KAZN: variants seen among roughly 807,000 people sequenced by gnomAD.
The protein encoded by KAZN is kazrin, periplakin interacting protein.
Under a neutral mutation model 87.4 loss-of-function variants are expected in KAZN, and 40 were observed. That is an observed-to-expected ratio of 0.46 (90% CI 0.36 to 0.60). The LOEUF (loss-of-function observed/expected upper bound fraction) is 0.60, where lower values mean the gene tolerates loss of function less well. Ranked by LOEUF, KAZN falls within the 20% of genes least tolerant of loss-of-function variation. The pLI is 0.00. For synonymous variants in KAZN, 466 were observed against 458.3 expected (o/e 1.02, Z -0.22); for missense variants, 898 against 1,073.9 (o/e 0.84, Z 2.29).
At chr1:14,957,715 C>T (rs1036497547) in intron 1 of KAZN, among the ~76,000 whole-genome samples, 1 of 152,160 alleles carries the variant, frequency 6.6e-6, no homozygotes, top group Non-Finnish European at 1.5e-5. Context: ...CACAGCTCTG[C>T]GGAGGCCCTG....
chr1:13,942,380 A>G (rs925056188), intron 1 of KAZN, among the ~76,000 whole-genome samples: 1 of 147,362 alleles, frequency 6.8e-6, no homozygotes, highest in Non-Finnish European at 1.5e-5. Context: ...CTCTACTAAA[A>G]ATACAAAAAA....
chr1:14,464,789 C>T (rs1188084463), intron 2 of KAZN, among the ~76,000 whole-genome samples: 2 of 151,992 alleles, frequency 1.3e-5, no homozygotes. Flanking sequence ...GATTCACCTG[C>T]CTCCACCTCC....
At chr1:14,275,335 C>A (rs1652261522) in intron 2 of KAZN, among the ~76,000 whole-genome samples, 1 of 152,114 alleles carries the variant, frequency 6.6e-6, no homozygotes. Context: ...GCCCCATTCC[C>A]AGACCTATTG....
intron 1 of KAZN, among the ~76,000 whole-genome samples, chr1:14,918,054 T>C (rs1472088120): frequency 6.6e-6 from 1 of 152,006 alleles, no homozygotes; most frequent in Non-Finnish European, 1.5e-5. Flanking sequence ...AATTTTTGTA[T>C]TTTTAGTAGA....
Position 14,535,741 on chromosome 1 carries a change from T to C in KAZN, c.250-63242T>C, listed in dbSNP as rs1044220960. Among the ~76,000 whole-genome samples the C allele has an allele frequency of 5.3e-4, 80 of 152,148 alleles. 1 individual carries two copies. Among genetic ancestry groups the C allele is most frequent in the Non-Finnish European group, 1.0e-4 (7 of 68,026 alleles). ...CTGCAGCTTGCATGCCACGGAAAAC[T>C]GACGGCTGCTCTTCCCTGTTCCACA... is the stretch of plus-strand genomic sequence containing the variant. On this transcript the variant is annotated intron_variant, in intron 2 of 16. Transcript: ENST00000636203.
intron 2 of KAZN, among the ~76,000 whole-genome samples, chr1:14,985,507 G>A (rs536284566): frequency 1.3e-4 from 20 of 152,208 alleles, no homozygotes; most frequent in African/African-American, 4.6e-4. Context: ...TCCAGCCTGG[G>A]TGACACAGTG....
chr1:14,729,730 G>T (rs1313075533), intron 1 of KAZN, among the ~76,000 whole-genome samples: 1 of 152,162 alleles, frequency 6.6e-6, no homozygotes. Flanking sequence ...CTTGTTTCAG[G>T]CCAGAGACCT....
In KAZN at chr1:14,974,990, G is replaced by A. The variant is rs571200546; in HGVS notation, c.418+14115G>A. The stretch of plus-strand genomic sequence containing the variant: ...AAGTAAGGTGGATTTGGAGTCCTGC[G>A]GATAGAGCATTGTAGGGCAAGGAGC... On this transcript the variant is annotated intron_variant, in intron 2 of 14. Transcript: ENST00000376030. 2.0e-4 allele frequency among the ~76,000 whole-genome samples: 30 copies of A among 152,328 alleles called. No individual in the cohort carries two copies. The South Asian group carries it at 4.3e-3, about 22-fold the overall frequency.
At chr1:14,520,949 T>C (rs1038817672) in intron 2 of KAZN, among the ~76,000 whole-genome samples, 2 of 152,162 alleles carry the variant, frequency 1.3e-5, no homozygotes, top group Non-Finnish European at 2.9e-5. Context: ...CATTGTTCTA[T>C]TGGGAAGAAG....
rs942785653 is a variant in KAZN, at chr1:14,184,207, T to C, written c.249+3615T>C. On this transcript the variant is annotated intron_variant, in intron 2 of 16. Coordinates refer to the KAZN transcript ENST00000636203. This position sits in a 1 kb window ranked among gnomAD's most constrained non-coding sequence, Gnocchi z 4.2. ...GCCCTTGTCTCCTCTTCCCTTTTCT[T>C]TTTGCTTTTCTTTGTCTTCTCCCTC... Among the ~76,000 whole-genome samples, 2 of 152,048 alleles carry C rather than the reference T, an allele frequency of 1.3e-5. No individual in the cohort carries two copies. Among genetic ancestry groups the C allele is most frequent in the Non-Finnish European group, 2.9e-5 (2 of 68,008 alleles).
At chr1:13,987,909 A>T (rs1639095503) in intron 1 of KAZN, among the ~76,000 whole-genome samples, 1 of 152,160 alleles carries the variant, frequency 6.6e-6, no homozygotes, top group South Asian at 2.1e-4. Context: ...TTCAAAATTG[A>T]GGGGTTGGCA....
intron 1 of KAZN, among the ~76,000 whole-genome samples, chr1:14,798,910 G>T (rs1645918258): frequency 6.6e-6 from 1 of 152,058 alleles, no homozygotes; most frequent in Admixed American, 6.6e-5. Context: ...ACAGGCAAGT[G>T]CCACCACGCC....
chr1:14,618,342 T>C (rs1251999280), intron 1 of KAZN, among the ~76,000 whole-genome samples: 1 of 152,222 alleles, frequency 6.6e-6, no homozygotes, highest in Non-Finnish European at 1.5e-5. Flanking sequence ...AAGTCTCCAT[T>C]TTCCCATCAG....
At chr1:13,939,812 T>A (rs1184420889) in intron 1 of KAZN, among the ~76,000 whole-genome samples, 1 of 152,098 alleles carries the variant, frequency 6.6e-6, no homozygotes. Context: ...CTTTCACTTA[T>A]GGCAGCAGGC....
At chr1:13,936,288 G>A (rs1640743191) in intron 1 of KAZN, among the ~76,000 whole-genome samples, 2 of 151,220 alleles carry the variant, frequency 1.3e-5, no homozygotes, top group Non-Finnish European at 2.9e-5. Context: ...ATTTAGTAGA[G>A]ACAGAGTTTC....
chr1:14,578,451 G>A (rs1175069343), intron 2 of KAZN, among the ~76,000 whole-genome samples: 1 of 152,096 alleles, frequency 6.6e-6, no homozygotes, highest in Non-Finnish European at 1.5e-5. Context: ...AATTTTTAGG[G>A]AAAGTGATAC....
intron 2 of KAZN, among the ~76,000 whole-genome samples, chr1:14,230,806 A>G (rs140285115): frequency 6.6e-6 from 1 of 152,294 alleles, no homozygotes; most frequent in Non-Finnish European, 1.5e-5. Flanking sequence ...TGACCTCTTG[A>G]GGTGCTAGAA....
intron 1 of KAZN, among the ~76,000 whole-genome samples, chr1:14,718,309 T>C (rs1642914216): frequency 6.6e-6 from 1 of 152,206 alleles, no homozygotes; most frequent in African/African-American, 2.4e-5. Context: ...ATTCAAACCG[T>C]GGTAGGCGGT....
At chr1:14,649,196 T>C (rs1193172866) in intron 1 of KAZN, among the ~76,000 whole-genome samples, 3 of 152,222 alleles carry the variant, frequency 2.0e-5, no homozygotes, top group Admixed American at 6.5e-5. Context: ...TTCCCAAGGA[T>C]TGATGGCTAA....
Sources: gnomAD v4.1 joint callset for allele counts (sites outside exome capture counted in the v4.1 genomes callset) on GRCh38, gnomAD v4.1.1 for gene constraint, Gnocchi (gnomAD v3.1) non-coding constraint, MANE v1.5 for transcripts, NCBI Gene and HGNC (gene_info 2026-07-23, HGNC 2026-07-21) for gene names.